Variants in CENPP observed in about 807,000 individuals in gnomAD.
CENPP encodes the protein centromere protein P.
Under a neutral mutation model 35.6 loss-of-function variants are expected in CENPP, and 24 were observed. The observed-to-expected ratio is 0.67, with a 90% CI of 0.49 to 0.95. The LOEUF is 0.95. Ranked by LOEUF, CENPP falls within the 40% of genes least tolerant of loss-of-function variation. The pLI is 0.00. For missense variants in CENPP, 332 were observed against 345.3 expected (o/e 0.96, Z 0.31); for synonymous variants, 120 against 125.5 (o/e 0.96, Z 0.29).
At chr9:92,359,859 C>T (rs1220668543) in intron 4 of CENPP, among the ~76,000 whole-genome samples, 1 of 151,264 alleles carries the variant, frequency 6.6e-6, no homozygotes, top group Non-Finnish European at 1.5e-5. Flanking sequence ...ACTCACATGA[C>T]TGCCTGCCAG....
chr9:92,560,907 C>A (rs899383330), intron 5 of CENPP, among the ~76,000 whole-genome samples: 1 of 116,646 alleles, frequency 8.6e-6, no homozygotes, highest in African/African-American at 3.2e-5. Context: ...TTACCCAATT[C>A]TTGGAAGTCA....
intron 5 of CENPP, chr9:92,502,753 T>A: frequency 9.6e-7 from 1 of 1,039,414 alleles, no homozygotes. Flanking sequence ...TCATTAGTAT[T>A]ATCTAAAGAG....
chr9:92,549,239 C>T (rs1412163420), intron 5 of CENPP, among the ~76,000 whole-genome samples: 1 of 152,166 alleles, frequency 6.6e-6, no homozygotes, highest in Non-Finnish European at 1.5e-5. Context: ...ACAGAAACTA[C>T]AAGCAGGCCG....
At chr9:92,595,377 G>A (rs960967313) in intron 5 of CENPP, among the ~76,000 whole-genome samples, 1 of 151,902 alleles carries the variant, frequency 6.6e-6, no homozygotes, top group Non-Finnish European at 1.5e-5. Context: ...ATGTAGCTGG[G>A]ACCACAAGCA....
At chr9:92,388,839 A>AG (rs1407306827) in intron 5 of CENPP, among the ~76,000 whole-genome samples, 1 of 151,990 alleles carries the variant, frequency 6.6e-6, no homozygotes, top group Admixed American at 6.6e-5. Context: ...CTCAAAAAAA[A>AG]AAAAAAAAAA....
intron 4 of CENPP, among the ~76,000 whole-genome samples, chr9:92,350,071 A>G (rs1373213820): frequency 6.6e-6 from 1 of 152,218 alleles, no homozygotes; most frequent in African/African-American, 2.4e-5. Context: ...TTAATTTCTG[A>G]TGGTCACCTA....
At chr9:92,447,592 G>C (rs1052347516) in intron 5 of CENPP, among the ~76,000 whole-genome samples, 1 of 152,176 alleles carries the variant, frequency 6.6e-6, no homozygotes, top group African/African-American at 2.4e-5. Flanking sequence ...TGTGGTCCAT[G>C]ACCCTAGGGT....
At chr9:92,529,389 C>A (rs1439635984) in intron 5 of CENPP, among the ~76,000 whole-genome samples, 6 of 152,208 alleles carry the variant, frequency 3.9e-5, no homozygotes, top group South Asian at 2.1e-4. Flanking sequence ...CTTTGGAAGA[C>A]ACTTTGGCAG....
intron 5 of CENPP, among the ~76,000 whole-genome samples, chr9:92,451,645 G>T (rs1453807270): frequency 6.6e-6 from 1 of 151,894 alleles, no homozygotes; most frequent in East Asian, 1.9e-4. Context: ...AAAGTCATTG[G>T]TAGCTTGATG....
At chr9:92,455,090 G>A (rs956021944) in intron 5 of CENPP, among the ~76,000 whole-genome samples, 2 of 152,166 alleles carry the variant, frequency 1.3e-5, no homozygotes, top group Non-Finnish European at 2.9e-5. Flanking sequence ...ATTGTTGTTT[G>A]TCAAAACTAT....
chr9:92,430,684 C>T (rs1015702576), intron 5 of CENPP, among the ~76,000 whole-genome samples: 5 of 151,900 alleles, frequency 3.3e-5, no homozygotes, highest in South Asian at 4.2e-4. Flanking sequence ...TTAACAGCCT[C>T]CTGGCTTTTG....
intron 5 of CENPP, among the ~76,000 whole-genome samples, chr9:92,388,789 G>A (rs1842545711): frequency 1.4e-5 from 2 of 142,244 alleles, no homozygotes; most frequent in South Asian, 2.2e-4. Flanking sequence ...CCAAGATCAC[G>A]CCACTGCACT....
intron 5 of CENPP, chr9:92,535,803 C>A (rs78308189): frequency 1.9e-4 from 57 of 306,676 alleles, no homozygotes; most frequent in African/African-American, 1.3e-3. Flanking sequence ...ATAATGCATA[C>A]TTTGAACTTT....
At chr9:92,375,851 ATTTC>A (rs764577936) in intron 4 of CENPP, among the ~76,000 whole-genome samples, 4 of 130,936 alleles carry the variant, frequency 3.1e-5, no homozygotes, top group Middle Eastern at 3.9e-3. Flanking sequence ...GTTTCTGTTA[ATTTC>A]TTTTTTTTTT....
intron 5 of CENPP, among the ~76,000 whole-genome samples, chr9:92,458,825 C>T (rs1844980772): frequency 6.6e-6 from 1 of 152,044 alleles, no homozygotes; most frequent in Non-Finnish European, 1.5e-5. Context: ...AAGTTGTGAT[C>T]TTGAGATTAG....
chr9:92,591,201 C>T (rs1850655455), intron 5 of CENPP, among the ~76,000 whole-genome samples: 1 of 151,860 alleles, frequency 6.6e-6, no homozygotes, highest in African/African-American at 2.4e-5. Flanking sequence ...GGGTGGATCA[C>T]GAGGTCAGGA....
At chr9:92,545,196 G>A (rs1849406032) in intron 5 of CENPP, among the ~76,000 whole-genome samples, 1 of 152,050 alleles carries the variant, frequency 6.6e-6, no homozygotes, top group South Asian at 2.1e-4. Context: ...TCCTTCCTGG[G>A]ATGGCCGAGG....
intron 5 of CENPP, among the ~76,000 whole-genome samples, chr9:92,468,652 A>G (rs892674009): frequency 6.6e-6 from 1 of 152,252 alleles, no homozygotes; most frequent in Non-Finnish European, 1.5e-5. Flanking sequence ...AGGTGATACT[A>G]TAATTATATA....
At chr9:92,604,885 C>A (rs1851031360) in intron 5 of CENPP, among the ~76,000 whole-genome samples, 1 of 152,144 alleles carries the variant, frequency 6.6e-6, no homozygotes, top group South Asian at 2.1e-4. Context: ...TGAGCCACCA[C>A]ACCCGGCCTG....
Sources: gnomAD v4.1 joint callset for allele counts (sites outside exome capture counted in the v4.1 genomes callset) on GRCh38, gnomAD v4.1.1 for gene constraint, MANE v1.5 for transcripts, NCBI Gene and HGNC (gene_info 2026-07-23, HGNC 2026-07-21) for gene names.